Variants in ZKSCAN7 observed in about 807,000 individuals in gnomAD.
ZKSCAN7 encodes zinc finger protein with KRAB and SCAN domains 7.
ZKSCAN7 carries 38 observed loss-of-function variants against 65.3 expected under a neutral mutation model. The ratio of observed to expected loss-of-function variants is 0.58; its 90% CI spans 0.45 to 0.76. The LOEUF (loss-of-function observed/expected upper bound fraction) is 0.76. Ranked by LOEUF, ZKSCAN7 falls within the 30% of genes least tolerant of loss-of-function variation. The pLI is 0.00. For missense variants in ZKSCAN7, 815 were observed against 913.3 expected, an observed-to-expected ratio of 0.89 and a Z score of 1.39; for synonymous variants, 321 against 321.0, an observed-to-expected ratio of 1.00 and a Z score of 0.00.
At chr3:44,557,507 C>T (rs1001285248) in intron 2 of ZKSCAN7, 37 bp downstream of exon 2, 1 of 1,612,128 alleles carries the variant, frequency 6.2e-7, no homozygotes, top group Middle Eastern at 1.7e-4. Context: ...CCTGATGCTT[C>T]TCTAATGCTT....
chr3:44,580,211 G>T, intron 5 of ZKSCAN7: 1 of 1,611,824 alleles, frequency 6.2e-7, no homozygotes, highest in South Asian at 1.1e-5. Flanking sequence ...CCTTCAAGTC[G>T]TGTTTGGTCT....
chr3:44,581,113 C>T (rs982562107), intron 5 of ZKSCAN7: 1 of 995,164 alleles, frequency 1.0e-6, no homozygotes, highest in Non-Finnish European at 1.2e-6. Context: ...CCGCCGCATC[C>T]CTCGCCGGCC....
chr3:44,580,179 G>A (rs112866382), intron 5 of ZKSCAN7: 41 of 1,609,284 alleles, frequency 2.5e-5, no homozygotes, highest in Middle Eastern at 1.6e-4. Flanking sequence ...GGAGAGCGGC[G>A]GGGGCAGCTG....
chr3:44,572,055 T>C lies in ZKSCAN7; in HGVS notation c.*680T>C. 1.0e-6 allele frequency: 1 copy of C among 985,608 alleles called. No homozygotes were observed. Among genetic ancestry groups the C allele is most frequent in the Non-Finnish European group, 1.2e-6 (1 of 830,012 alleles). 61.1% of individuals were successfully genotyped at this position (985,608 alleles called of 1,614,324 possible). ...AATTTTGCGTGTCTGTATACTTTTA[T>C]ACCAACTTATTGTAGGCTCTTTGAG... On this transcript the variant is annotated 3_prime_UTR_variant, in exon 6 of 6. Transcript: ENST00000426540.
chr3:44,576,518 T>C (rs981783987), downstream of ZKSCAN7, among the ~76,000 whole-genome samples: 1 of 152,244 alleles, frequency 6.6e-6, no homozygotes, highest in African/African-American at 2.4e-5. Context: ...TCTTGAATTT[T>C]TTTTTCATAT....
chr3:44,581,562 T>C (rs1352946248), intron 5 of ZKSCAN7, among the ~76,000 whole-genome samples: 1 of 152,158 alleles, frequency 6.6e-6, no homozygotes, highest in African/African-American at 2.4e-5. Flanking sequence ...ATTCCTGAAG[T>C]GGAAAAGTTT....
chr3:44,562,874 G>A (rs1266276278), intron 2 of ZKSCAN7, among the ~76,000 whole-genome samples: 1 of 152,052 alleles, frequency 6.6e-6, no homozygotes, highest in Non-Finnish European at 1.5e-5. Flanking sequence ...GGAGGCTGAG[G>A]CAGGAGAATG....
downstream of ZKSCAN7, chr3:44,572,253 A>G: frequency 1.0e-6 from 1 of 981,892 alleles, no homozygotes; most frequent in Non-Finnish European, 1.2e-6. Context: ...ATCTCATCAT[A>G]GAATATCACA....
Position 44,570,321 on chromosome 3 carries a change from T to C in ZKSCAN7, c.1211T>C (p.Ile404Thr). 2.5e-6 allele frequency: 4 copies of C among 1,614,130 alleles called. No homozygotes were observed. The highest frequency in any genetic ancestry group is 1.1e-5 in the South Asian group (1 of 91,072). ...RSSHLIGHQRIHTGEKPYECN... is the reference protein window; with the variant it reads ...RSSHLIGHQRTHTGEKPYECN... ...TCTCACCTTATTGGCCATCAGAGAA[T>C]CCACACTGGAGAGAAACCCTATGAG... The change falls in exon 6 of 6, where the codon ATC becomes ACC. Residue 404 changes from isoleucine to threonine, a missense_variant. Coordinates refer to ENST00000426540, the MANE Select transcript of ZKSCAN7 (RefSeq NM_001288590.2).
chr3:44,574,564 A>C (rs2125729940), downstream of ZKSCAN7, among the ~76,000 whole-genome samples: 1 of 152,340 alleles, frequency 6.6e-6, no homozygotes, highest in East Asian at 1.9e-4. Context: ...ATATTGATAA[A>C]TATTCTGTTG....
At position 44,557,101 on chromosome 3, in the gene ZKSCAN7, C is replaced by T; in HGVS notation, c.54C>T (p.Phe18=). The T allele has an allele frequency of 6.2e-7, 1 of 1,614,246 alleles. No homozygotes were observed. The highest frequency in any genetic ancestry group is 8.5e-7 in the Non-Finnish European group (1 of 1,180,042). ...GCCTCATCCCCAGGAGCACTGCTTT[C>T]CAGAAGCAAGAGGGGCGCCTGACTG... ...NLGLIPRSTA[F]QKQEGRLTVK... Residue 18 remains phenylalanine (F), a synonymous_variant, in exon 2 of 6, where the codon TTC becomes TTT. Transcript: ENST00000426540.
At chr3:44,573,132 TAAGAA>T (rs1356253352), downstream of ZKSCAN7, among the ~76,000 whole-genome samples, 2 of 152,218 alleles carry the variant, frequency 1.3e-5, no homozygotes, top group Non-Finnish European at 2.9e-5. Context: ...CCCGAAGACA[TAAGAA>T]AAGAAATCTC....
At chr3:44,566,680 C>CA (rs2125718020) in intron 3 of ZKSCAN7, among the ~76,000 whole-genome samples, 1 of 152,086 alleles carries the variant, frequency 6.6e-6, no homozygotes, top group South Asian at 2.1e-4. Flanking sequence ...CTCTGTCACC[C>CA]AGGCTGGAGT....
intron 4 of ZKSCAN7, 132 bp from the exon 5 acceptor site, chr3:44,568,175 G>C: frequency 6.5e-7 from 1 of 1,535,614 alleles, no homozygotes; most frequent in South Asian, 1.3e-5. Flanking sequence ...TGTCCTTTTC[G>C]AGGTGTCATC....
intron 5 of ZKSCAN7, among the ~76,000 whole-genome samples, chr3:44,578,615 C>A (rs186633448): frequency 6.6e-6 from 1 of 152,180 alleles, no homozygotes; most frequent in Non-Finnish European, 1.5e-5. Flanking sequence ...CAGGTACTGG[C>A]GCCGCAGGGC....
At chr3:44,580,265 A>C (rs1052886352) in intron 5 of ZKSCAN7, 2 of 1,613,740 alleles carry the variant, frequency 1.2e-6, no homozygotes, top group Admixed American at 1.7e-5. Flanking sequence ...CTTTGCGGCC[A>C]CAGTCCATGC....
In ZKSCAN7 at chr3:44,555,355, G is replaced by C. The variant is rs1024847406; in HGVS notation, c.-245G>C. 2.0e-5 allele frequency: 3 copies of C among 152,272 alleles called. No individual in the cohort carries two copies. Among genetic ancestry groups the C allele is most frequent in the Non-Finnish European group, 4.4e-5 (3 of 68,056 alleles). The allele number at this position is 152,272 out of a possible 1,614,324, so 9.4% of individuals were successfully genotyped here. On this transcript the variant is annotated 5_prime_UTR_variant, in exon 1 of 6. Coordinates refer to ENST00000426540, the MANE Select transcript of ZKSCAN7 (RefSeq NM_001288590.2). ...GCTTCTTCCCGGCGGCAGGCGGCGC[G>C]GTCCCCGTGACTCTCAGAAGCCGCC...
intron 5 of ZKSCAN7, among the ~76,000 whole-genome samples, chr3:44,568,679 A>G (rs1699707076): frequency 6.6e-6 from 1 of 152,226 alleles, no homozygotes; most frequent in African/African-American, 2.4e-5. Context: ...ACAGAGAGCC[A>G]CTCAAGTTAT....
chr3:44,581,964 CTAGGGGT>C (rs1317532070), intron 5 of ZKSCAN7, among the ~76,000 whole-genome samples: 10 of 152,302 alleles, frequency 6.6e-5, no homozygotes, highest in African/African-American at 2.4e-4. Flanking sequence ...CTGAAAACCT[CTAGGGGT>C]TAGGGACAGG....
Sources: gnomAD v4.1 joint callset for allele counts (sites outside exome capture counted in the v4.1 genomes callset) on GRCh38, gnomAD v4.1.1 for gene constraint, MANE v1.5 for transcripts, NCBI Gene and HGNC (gene_info 2026-07-23, HGNC 2026-07-21) for gene names.